The following FAM184A variants were observed in gnomAD, a reference collection of about 807,000 sequenced individuals.
The protein encoded by FAM184A is family with sequence similarity 184 member A.
In FAM184A, 99 loss-of-function variants were observed where a neutral mutation model predicts 143.8. That is an observed-to-expected ratio of 0.69 (90% CI 0.58 to 0.81). FAM184A has a LOEUF of 0.81. Ranked by LOEUF, FAM184A falls within the 40% of genes least tolerant of loss-of-function variation. The pLI, the probability that FAM184A is intolerant of heterozygous loss-of-function variation, is 0.00. For missense variants in FAM184A, 1,217 were observed against 1,310.5 expected (o/e 0.93, Z 1.10); for synonymous variants, 427 against 446.4 (o/e 0.96, Z 0.55).
intron 1 of FAM184A, among the ~76,000 whole-genome samples, chr6:119,077,057 C>A (rs1787898643): frequency 6.6e-6 from 1 of 152,212 alleles, no homozygotes; most frequent in Non-Finnish European, 1.5e-5. Flanking sequence ...TATCCTCAAT[C>A]ACATTTCTTC....
intron 1 of FAM184A, 42 bp from the exon 2 acceptor site, chr6:119,024,855 A>C (rs147961166): frequency 7.4e-6 from 11 of 1,490,956 alleles, no homozygotes; most frequent in African/African-American, 5.6e-5. Flanking sequence ...TTGTGAATCC[A>C]TATTATTTTC....
At chr6:119,088,074 A>G (rs111851116) in intron 1 of FAM184A, among the ~76,000 whole-genome samples, 5,652 of 152,242 alleles carry the variant, frequency 0.037, 236 homozygotes, top group African/African-American at 0.099. Context: ...GGTGGTTTCC[A>G]GGGGCTAGAA....
chr6:119,135,601 CT>C (rs1482226912), intron 1 of FAM184A, among the ~76,000 whole-genome samples: 1 of 152,218 alleles, frequency 6.6e-6, no homozygotes, highest in Admixed American at 6.5e-5. Context: ...ATCTCCCCAT[CT>C]TCCATTCCTC....
At chr6:119,037,682 T>C (rs1296465145) in intron 1 of FAM184A, among the ~76,000 whole-genome samples, 2 of 152,240 alleles carry the variant, frequency 1.3e-5, no homozygotes, top group East Asian at 3.8e-4. Context: ...TAACTTAATT[T>C]AGAATACGTA....
At chr6:118,990,251 T>C (rs1246067462) in intron 9 of FAM184A, among the ~76,000 whole-genome samples, 1 of 152,234 alleles carries the variant, frequency 6.6e-6, no homozygotes. Context: ...ATATGTATGT[T>C]ATTTAAGATT....
At chr6:119,010,578 T>A (rs2114657838) in intron 6 of FAM184A, among the ~76,000 whole-genome samples, 1 of 152,318 alleles carries the variant, frequency 6.6e-6, no homozygotes, top group East Asian at 1.9e-4. Flanking sequence ...GTTAAAGACA[T>A]GAACTCTTCA....
intron 1 of FAM184A, among the ~76,000 whole-genome samples, chr6:119,038,008 TGA>T (rs1786175722): frequency 1.3e-5 from 2 of 152,062 alleles, no homozygotes; most frequent in South Asian, 4.2e-4. Context: ...ACCTTAGTGT[TGA>T]GAGAGAGAAA....
chr6:119,045,218 T>C lies in FAM184A; in HGVS notation c.160-20405A>G, dbSNP rs11970007. Among the ~76,000 whole-genome samples, 487 of 152,122 alleles carry C rather than the reference T, an allele frequency of 3.2e-3. 5 individuals carry two copies. Among genetic ancestry groups the C allele is most frequent in the African/African-American group, 0.011 (475 of 41,498 alleles). ...AAGAAGCTGGGAAACCTCTGGTATA[T>C]TGATAAAAATAAATGAGAAAAGGAA... is the stretch of plus-strand genomic sequence containing the variant. On this transcript the variant is annotated intron_variant, in intron 1 of 17. Transcript: ENST00000338891.
At chr6:119,079,580 G>A (rs757383702), upstream of FAM184A, among the ~76,000 whole-genome samples, 1 of 152,130 alleles carries the variant, frequency 6.6e-6, no homozygotes, top group African/African-American at 2.4e-5. Flanking sequence ...ATTGAAGCAT[G>A]TGAGTCATTT....
intron 1 of FAM184A, among the ~76,000 whole-genome samples, chr6:119,038,440 A>G (rs1419504566): frequency 6.6e-6 from 1 of 152,210 alleles, no homozygotes; most frequent in African/African-American, 2.4e-5. Context: ...CTGATAAAAC[A>G]GGTTGCAGTA....
At chr6:119,118,994 T>C (rs1429655909) in intron 1 of FAM184A, among the ~76,000 whole-genome samples, 1 of 152,142 alleles carries the variant, frequency 6.6e-6, no homozygotes, top group East Asian at 1.9e-4. Context: ...TCCCTAAGGG[T>C]AGGCCTCTGA....
At chr6:119,080,158 A>G (rs1268630898), upstream of FAM184A, among the ~76,000 whole-genome samples, 4 of 152,228 alleles carry the variant, frequency 2.6e-5, no homozygotes. Flanking sequence ...TGTATAGCCA[A>G]GTCTTGCTAG....
At chr6:118,993,456 T>A (rs1286614600) in intron 9 of FAM184A, among the ~76,000 whole-genome samples, 1 of 152,254 alleles carries the variant, frequency 6.6e-6, no homozygotes, top group African/African-American at 2.4e-5. Context: ...AGGTTTTACA[T>A]GCTTGTAATT....
Position 119,024,784 on chromosome 6 carries a change from A to T in FAM184A, c.189T>A (p.Asp63Glu). 1 of 1,610,318 alleles carries T rather than the reference A, an allele frequency of 6.2e-7. No individual in the cohort carries two copies. The highest frequency in any genetic ancestry group is 1.7e-5 in the Admixed American group (1 of 59,326). ...GGGCTTGAATTGCAGATTCATGCTC[A>T]TCATTTTTAGTGTTTAAAGCATATA... ...KVIYALNTKN[D>E]EHESAIQALK... The change falls in exon 2 of 18, where the codon GAT becomes GAA. Residue 63 changes from aspartate (D) to glutamate (E), a missense_variant. Physicochemically the swap from Asp to Glu is conservative, Grantham distance 45. Coordinates refer to ENST00000338891, the MANE Select transcript of FAM184A (RefSeq NM_024581.6).
At position 119,135,926 on chromosome 6, in the gene FAM184A, C is replaced by T. The variant is rs566067707; in HGVS notation, c.-202+13152G>A. Among the ~76,000 whole-genome samples, 30 of 151,866 alleles carry T rather than the reference C, an allele frequency of 2.0e-4. 1 individual carries two copies. In the East Asian group the frequency reaches 5.0e-3, roughly 25 times the overall value. On this transcript the variant is annotated intron_variant, in intron 1 of 16. Coordinates refer to the FAM184A transcript ENST00000352896. The stretch of plus-strand genomic sequence containing the variant: ...TTTCAGAATAGAAATCTTATCAACT[C>T]TGTTGTTACCCAGATGGCCCTAAAT...
intron 14 of FAM184A, among the ~76,000 whole-genome samples, chr6:118,968,687 G>GC (rs1457939118): frequency 2.0e-5 from 3 of 152,188 alleles, no homozygotes; most frequent in Non-Finnish European, 4.4e-5. Context: ...CCGCAGCTGA[G>GC]CAAGAATACT....
chr6:119,012,538 A>G (rs1785119067), intron 5 of FAM184A, among the ~76,000 whole-genome samples: 1 of 152,178 alleles, frequency 6.6e-6, no homozygotes. Context: ...CAGGCTGAAT[A>G]CCTCCAGCAA....
intron 1 of FAM184A, among the ~76,000 whole-genome samples, chr6:119,120,980 T>C (rs1789198311): frequency 8.6e-6 from 1 of 116,680 alleles, no homozygotes; most frequent in Non-Finnish European, 1.6e-5. Context: ...AAAAACTTTC[T>C]TTTTTTTTTT....
intron 3 of FAM184A, among the ~76,000 whole-genome samples, chr6:119,020,821 T>G (rs891782251): frequency 1.3e-5 from 2 of 152,034 alleles, no homozygotes; most frequent in African/African-American, 4.8e-5. Flanking sequence ...CTGCACTATG[T>G]CCTGCAACAT....
Sources: gnomAD v4.1 joint callset for allele counts (sites outside exome capture counted in the v4.1 genomes callset) on GRCh38, gnomAD v4.1.1 for gene constraint, MANE v1.5 for transcripts, NCBI Gene and HGNC (gene_info 2026-07-23, HGNC 2026-07-21) for gene names.